Variants in KLHDC10 observed in about 807,000 individuals in gnomAD.
KLHDC10 encodes the protein kelch domain-containing protein 10.
Under a neutral mutation model 56.1 loss-of-function variants are expected in KLHDC10, and 24 were observed. That is an observed-to-expected ratio of 0.43 (90% confidence interval 0.31 to 0.60). KLHDC10 has a LOEUF of 0.60. KLHDC10 is among the 20% of genes least tolerant of loss of function. The pLI is 0.11. For missense variants in KLHDC10, 349 were observed against 567.0 expected, an observed-to-expected ratio of 0.62 and a Z score of 3.91; for synonymous variants, 188 against 207.1, an observed-to-expected ratio of 0.91 and a Z score of 0.79.
At chr7:130,083,188 T>C (rs938949905) in intron 1 of KLHDC10, among the ~76,000 whole-genome samples, 10 of 152,224 alleles carry the variant, frequency 6.6e-5, no homozygotes, top group African/African-American at 2.4e-4. Context: ...TACTTCATCC[T>C]GTGCTCCTTA....
intron 3 of KLHDC10, among the ~76,000 whole-genome samples, chr7:130,119,164 A>G (rs565874595): frequency 1.3e-4 from 19 of 151,052 alleles, no homozygotes; most frequent in Non-Finnish European, 2.5e-4. Flanking sequence ...AGCCATGTTC[A>G]TGCCACTGCA....
In KLHDC10 at chr7:130,116,107, GCTTT is replaced by G. The variant is rs1796164188; in HGVS notation, c.254-337_254-334del. On this transcript the variant is annotated intron_variant, in intron 2 of 9. Transcript: ENST00000335420. The surrounding 1 kb of genome is among the most constrained non-coding windows in gnomAD (Gnocchi z 4.8). Reference sequence around the variant, plus strand: ...GGAAATAAGAAAACTTGTCCTGTTAGCTTTTGGATTATTAAATCTTTCCTCCTTC... The same window carrying G: ...GGAAATAAGAAAACTTGTCCTGTTAGTGGATTATTAAATCTTTCCTCCTTC... 6.6e-6 allele frequency among the ~76,000 whole-genome samples: 1 copy of G among 151,996 alleles called. No individual in the cohort carries two copies. The highest frequency in any genetic ancestry group is 2.4e-5 in the African/African-American group (1 of 41,376).
chr7:130,093,361 C>T (rs900922924), intron 1 of KLHDC10, among the ~76,000 whole-genome samples: 2 of 152,066 alleles, frequency 1.3e-5, no homozygotes, highest in African/African-American at 4.8e-5. Context: ...GTAGCCAGGA[C>T]TACAGGTGCA....
chr7:130,125,857 T>C lies in KLHDC10; in HGVS notation c.865-8T>C, dbSNP rs778027680. On this transcript the variant is annotated splice_polypyrimidine_tract_variant and splice_region_variant and intron_variant, in intron 6 of 9. Transcript: ENST00000335420. Reference sequence around the variant, plus strand: ...ATGTATGTGTATATGTTCTTTTTTTTCTCCAAGATCCATGCATACAACCTT... The same window carrying C: ...ATGTATGTGTATATGTTCTTTTTTTCCTCCAAGATCCATGCATACAACCTT... 9.4e-6 allele frequency: 15 copies of C among 1,587,398 alleles called. No individual in the cohort carries two copies. The highest frequency in any genetic ancestry group is 4.1e-5 in the African/African-American group (3 of 73,222).
intron 1 of KLHDC10, among the ~76,000 whole-genome samples, chr7:130,082,843 A>G (rs1285993431): frequency 6.6e-6 from 1 of 152,188 alleles, no homozygotes; most frequent in Non-Finnish European, 1.5e-5. Flanking sequence ...TTTGGTTTTA[A>G]CTGTCTCCTA....
chr7:130,102,030 G>A (rs1192299079), intron 2 of KLHDC10, among the ~76,000 whole-genome samples: 2 of 148,920 alleles, frequency 1.3e-5, no homozygotes, highest in Non-Finnish European at 3.0e-5. Context: ...GAGCCTTAGC[G>A]AATGGACTTT....
chr7:130,123,020 G>T (rs867997206), intron 5 of KLHDC10, among the ~76,000 whole-genome samples: 5 of 149,372 alleles, frequency 3.3e-5, no homozygotes, highest in South Asian at 2.1e-4. Flanking sequence ...TGGATGTATG[G>T]ATGGATGGAT....
In KLHDC10 at chr7:130,130,442, A is replaced by T. The variant is rs1002666603; in HGVS notation, c.1120-95A>T. ...CAGTGAGGAATTCTTGTTTCATTTCATTTTGATTCCATCTACTATGCTTTT... is the reference window on the plus strand; with the variant it reads ...CAGTGAGGAATTCTTGTTTCATTTCTTTTTGATTCCATCTACTATGCTTTT... On this transcript the variant is annotated intron_variant, in intron 9 of 9. Coordinates refer to ENST00000335420, the MANE Select transcript of KLHDC10 (RefSeq NM_014997.4). The surrounding 1 kb of genome is among the most constrained non-coding windows in gnomAD (Gnocchi z 4.2). 1.1e-5 allele frequency: 10 copies of T among 943,682 alleles called. No individual in the cohort carries two copies. The South Asian group carries it at 1.4e-4, about 14-fold the overall frequency. The allele number at this position is 943,682 out of a possible 1,614,324, so 58.5% of individuals were successfully genotyped here.
At chr7:130,124,219 A>T (rs1180353217) in intron 5 of KLHDC10, among the ~76,000 whole-genome samples, 1 of 152,216 alleles carries the variant, frequency 6.6e-6, no homozygotes, top group African/African-American at 2.4e-5. Flanking sequence ...ATGACACAAA[A>T]AAGTTCTCAA....
chr7:130,072,126 T>C (rs1795423047), intron 1 of KLHDC10, among the ~76,000 whole-genome samples: 1 of 152,228 alleles, frequency 6.6e-6, no homozygotes, highest in Admixed American at 6.5e-5. Context: ...AGCAATCTTT[T>C]TTCTTACTCC....
chr7:130,078,585 C>T (rs1463817241), intron 1 of KLHDC10, among the ~76,000 whole-genome samples: 3 of 151,762 alleles, frequency 2.0e-5, no homozygotes, highest in Admixed American at 2.0e-4. Flanking sequence ...ATGCCGCAGT[C>T]TTGGCTCACT....
intron 1 of KLHDC10, among the ~76,000 whole-genome samples, chr7:130,086,243 G>C (rs970027045): frequency 6.6e-6 from 1 of 152,022 alleles, no homozygotes. Context: ...TGAACACTCT[G>C]TATCATTAGA....
At chr7:130,089,033 T>G (rs866175876) in intron 1 of KLHDC10, among the ~76,000 whole-genome samples, 2 of 152,110 alleles carry the variant, frequency 1.3e-5, no homozygotes, top group African/African-American at 4.8e-5. Context: ...TATTTCAAGA[T>G]AGGCACATTC....
chr7:130,078,001 C>T (rs1795539400), intron 1 of KLHDC10, among the ~76,000 whole-genome samples: 1 of 152,034 alleles, frequency 6.6e-6, no homozygotes, highest in Admixed American at 6.6e-5. Flanking sequence ...TAGAGAATAA[C>T]AGGTATAGCT....
chr7:130,077,392 T>C (rs1003436072), intron 1 of KLHDC10, among the ~76,000 whole-genome samples: 11 of 145,618 alleles, frequency 7.6e-5, no homozygotes, highest in African/African-American at 2.8e-4. Context: ...ACAGTATATG[T>C]ATTTATTGTC....
intron 8 of KLHDC10, among the ~76,000 whole-genome samples, chr7:130,128,871 C>G (rs192704202): frequency 0.016 from 640 of 41,280 alleles, 14 homozygotes; most frequent in African/African-American, 0.092. Context: ...GAGACCTTGT[C>G]TCTTAAAAAA....
intron 1 of KLHDC10, among the ~76,000 whole-genome samples, chr7:130,074,533 G>A (rs529548271): frequency 4.0e-5 from 6 of 151,700 alleles, no homozygotes; most frequent in African/African-American, 1.5e-4. Flanking sequence ...TATATAACAC[G>A]TTAGTGTCTA....
chr7:130,127,915 G>T (rs1796334377), intron 8 of KLHDC10, among the ~76,000 whole-genome samples: 1 of 152,176 alleles, frequency 6.6e-6, no homozygotes, highest in Non-Finnish European at 1.5e-5. Context: ...TACAACAAAG[G>T]CATTGTATGG....
Position 130,096,904 on chromosome 7 carries a change from G to A in KLHDC10, c.167-17G>A, listed in dbSNP as rs1426512996. ...TGTTGTATGTGTCTGACTTATTGCT[G>A]ATAATTGTGGTAACAGGTAAGAAGA... On this transcript the variant is annotated splice_polypyrimidine_tract_variant and intron_variant, in intron 1 of 9. Coordinates refer to ENST00000335420, the MANE Select transcript of KLHDC10 (RefSeq NM_014997.4). 6.3e-7 allele frequency: 1 copy of A among 1,589,942 alleles called. No homozygotes were observed. The highest frequency in any genetic ancestry group is 8.6e-7 in the Non-Finnish European group (1 of 1,159,256).
Sources: gnomAD v4.1 joint callset for allele counts (sites outside exome capture counted in the v4.1 genomes callset) on GRCh38, gnomAD v4.1.1 for gene constraint, Gnocchi (gnomAD v3.1) non-coding constraint, MANE v1.5 for transcripts, NCBI Gene and HGNC (gene_info 2026-07-23, HGNC 2026-07-21) for gene names.